KLF12: variants seen among roughly 807,000 people sequenced by gnomAD.
KLF12 encodes Krueppel-like factor 12.
In KLF12, 9 loss-of-function variants were observed where a neutral mutation model predicts 37.8. The ratio of observed to expected loss-of-function variants is 0.24; its 90% CI spans 0.14 to 0.42. The LOEUF (loss-of-function observed/expected upper bound fraction) is 0.42, where lower values mean the gene tolerates loss of function less well. KLF12 is among the 10% of genes least tolerant of loss of function. The probability of loss-of-function intolerance (pLI) is 1.00; values close to 1 mark genes in which losing one functional copy is unlikely to be tolerated. For synonymous variants in KLF12, 208 were observed against 202.1 expected (o/e 1.03, Z -0.25); for missense variants, 411 against 516.0 (o/e 0.80, Z 1.97).
chr13:74,305,136 G>T, the KLF12 span, among the ~76,000 whole-genome samples: 4 of 151,958 alleles, frequency 2.6e-5, no homozygotes, highest in Non-Finnish European at 5.9e-5. Flanking sequence ...GAATTATCTG[G>T]ATAATTGTTT....
chr13:73,962,825 G>T (rs1891060579), intron 2 of KLF12, among the ~76,000 whole-genome samples: 1 of 152,084 alleles, frequency 6.6e-6, no homozygotes, highest in Non-Finnish European at 1.5e-5. Flanking sequence ...TTAATATTTA[G>T]ACATATGTAA....
chr13:74,100,494 T>G (rs1876268228), intron 1 of KLF12, among the ~76,000 whole-genome samples: 1 of 152,038 alleles, frequency 6.6e-6, no homozygotes, highest in Non-Finnish European at 1.5e-5. Flanking sequence ...GGCAGGCGCC[T>G]GTAATCCCAG....
chr13:73,876,263 G>A (rs914675169), intron 3 of KLF12, among the ~76,000 whole-genome samples: 1 of 152,152 alleles, frequency 6.6e-6, no homozygotes, highest in East Asian at 1.9e-4. Context: ...GTTCCTTGTG[G>A]CTGTAGGACA....
the KLF12 span, among the ~76,000 whole-genome samples, chr13:74,182,730 T>A: frequency 6.6e-6 from 1 of 152,216 alleles, no homozygotes; most frequent in African/African-American, 2.4e-5. Context: ...CATTTCCTTA[T>A]AGAAACCAGA....
At chr13:73,840,989 C>A (rs59282114) in intron 4 of KLF12, among the ~76,000 whole-genome samples, 1,848 of 152,254 alleles carry the variant, frequency 0.012, 27 homozygotes, top group African/African-American at 0.042. Flanking sequence ...CTCAGAGAGG[C>A]CTTCCTTGAT....
chr13:73,838,238 A>T (rs1215701929), intron 4 of KLF12, among the ~76,000 whole-genome samples: 1 of 152,146 alleles, frequency 6.6e-6, no homozygotes, highest in Non-Finnish European at 1.5e-5. Flanking sequence ...GACTAAAAAT[A>T]CACTTGTGGC....
Position 73,813,290 on chromosome 13 carries a change from G to A in KLF12, c.671-3C>T. ...TAGGCCTCGGGGGTCCATTTGTGCT[G>A]GAGAGAAAAGGCATATATAATGAAT... On this transcript the variant is annotated splice_region_variant and splice_polypyrimidine_tract_variant and intron_variant, in intron 4 of 7. Coordinates refer to ENST00000377669, the MANE Select transcript of KLF12 (RefSeq NM_007249.5). The A allele has an allele frequency of 6.2e-7, 1 of 1,613,720 alleles. No homozygotes were observed. The highest frequency in any genetic ancestry group is 2.2e-5 in the East Asian group (1 of 44,866).
chr13:74,211,138 A>G, the KLF12 span, among the ~76,000 whole-genome samples: 2 of 152,094 alleles, frequency 1.3e-5, no homozygotes, highest in African/African-American at 4.8e-5. Flanking sequence ...TCTTGTCTGA[A>G]TCATTACTCA....
At chr13:73,995,134 T>A (rs1452510645) in intron 1 of KLF12, 81 bp from the exon 2 acceptor site, 15 of 859,830 alleles carry the variant, frequency 1.7e-5, no homozygotes, top group Admixed American at 6.3e-5. Flanking sequence ...AAAAAATACA[T>A]CTTAATTCTA....
At chr13:74,228,546 T>C in the KLF12 span, among the ~76,000 whole-genome samples, 1 of 152,150 alleles carries the variant, frequency 6.6e-6, no homozygotes, top group African/African-American at 2.4e-5. Context: ...TAAGTCCCCT[T>C]TTCAAGGTCC....
chr13:74,272,756 G>A, the KLF12 span, among the ~76,000 whole-genome samples: 1 of 152,124 alleles, frequency 6.6e-6, no homozygotes, highest in African/African-American at 2.4e-5. Flanking sequence ...TGTCTAGAAG[G>A]GAAAGTGAGT....
chr13:74,281,569 C>A, the KLF12 span, among the ~76,000 whole-genome samples: 1 of 152,168 alleles, frequency 6.6e-6, no homozygotes, highest in African/African-American at 2.4e-5. Context: ...GCTATAAATA[C>A]ATTTTAAAAA....
Position 73,687,853 on chromosome 13 carries a change from A to C in KLF12, c.*7637T>G, listed in dbSNP as rs1873586946. On this transcript the variant is annotated 3_prime_UTR_variant, in exon 8 of 8. Coordinates refer to ENST00000377669, the MANE Select transcript of KLF12 (RefSeq NM_007249.5). The stretch of plus-strand genomic sequence containing the variant: ...TGTCTCAAACACTTCAAATTTCTAG[A>C]GATGAAATCCAGAAAGAAAAAGTAC... 6.6e-6 allele frequency: 1 copy of C among 152,190 alleles called. No individual in the cohort carries two copies. Among genetic ancestry groups the C allele is most frequent in the South Asian group, 2.1e-4 (1 of 4,832 alleles). 9.4% of individuals were successfully genotyped at this position (152,190 alleles called of 1,614,324 possible).
chr13:73,972,733 A>G (rs927479301), intron 2 of KLF12, among the ~76,000 whole-genome samples: 1 of 150,728 alleles, frequency 6.6e-6, no homozygotes, highest in Non-Finnish European at 1.5e-5. Context: ...AGCGTGACCC[A>G]CTACTGCCCT....
intron 3 of KLF12, among the ~76,000 whole-genome samples, chr13:73,909,192 C>T (rs1242929128): frequency 1.3e-5 from 2 of 152,174 alleles, no homozygotes; most frequent in African/African-American, 2.4e-5. Context: ...CCTCCCAGCC[C>T]AAGGTATCCA....
intron 2 of KLF12, among the ~76,000 whole-genome samples, chr13:73,986,918 G>A (rs1190628030): frequency 6.6e-6 from 1 of 151,850 alleles, no homozygotes; most frequent in Non-Finnish European, 1.5e-5. Flanking sequence ...CTGACCACCA[G>A]AACTGTAAGA....
chr13:73,879,253 G>T (rs796135468), intron 3 of KLF12, among the ~76,000 whole-genome samples: 1 of 152,094 alleles, frequency 6.6e-6, no homozygotes, highest in African/African-American at 2.4e-5. Flanking sequence ...CCAAAGTGCC[G>T]GTTCTTCTTT....
At chr13:74,235,541 A>G in the KLF12 span, among the ~76,000 whole-genome samples, 1 of 152,226 alleles carries the variant, frequency 6.6e-6, no homozygotes, top group Non-Finnish European at 1.5e-5. Context: ...TAAAATATGT[A>G]CATCTGCTGT....
intron 1 of KLF12, among the ~76,000 whole-genome samples, chr13:74,120,354 C>T (rs914011207): frequency 3.3e-5 from 5 of 152,078 alleles, no homozygotes; most frequent in African/African-American, 1.2e-4. Flanking sequence ...TGGTGGCAGG[C>T]GCCTATCAGG....
Sources: allele counts gnomAD v4.1 joint callset (sites outside exome capture counted in the v4.1 genomes callset), GRCh38; gene constraint gnomAD v4.1.1; transcripts MANE v1.5; gene names NCBI Gene and HGNC (gene_info 2026-07-23, HGNC 2026-07-21).